The following PDCD4 variants were observed in gnomAD, a reference collection of about 807,000 sequenced individuals.
The protein encoded by PDCD4 is programmed cell death protein 4.
A neutral mutation model predicts 54.0 loss-of-function variants in PDCD4; 56 were observed. The ratio of observed to expected loss-of-function variants is 1.04; its 90% CI spans 0.84 to 1.30. The LOEUF (loss-of-function observed/expected upper bound fraction) is 1.30, where lower values mean the gene tolerates loss of function less well. Ranked by LOEUF, PDCD4 falls within the 50% of genes most tolerant of loss-of-function variation. The pLI is 0.00. For synonymous variants in PDCD4, 186 were observed against 194.8 expected (o/e 0.95, Z 0.37); for missense variants, 584 against 559.8 (o/e 1.04, Z -0.44).
intron 11 of PDCD4, among the ~76,000 whole-genome samples, chr10:110,896,623 T>C (rs965703805): frequency 4.6e-5 from 7 of 152,196 alleles, no homozygotes; most frequent in Admixed American, 4.6e-4. Context: ...GTGGGTGATT[T>C]TCCTTGGAGC....
chr10:110,882,904 T>C, intron 3 of PDCD4, 99 bp from the exon 4 acceptor site: 1 of 775,156 alleles, frequency 1.3e-6, no homozygotes, highest in Non-Finnish European at 2.2e-6. Flanking sequence ...TAAATACAAT[T>C]TTTTTTTAGC....
At chr10:110,890,481 G>A in intron 7 of PDCD4, 75 bp from the exon 8 acceptor site, 1 of 684,718 alleles carries the variant, frequency 1.5e-6, no homozygotes, top group Non-Finnish European at 2.4e-6. Context: ...ATAGGATTTT[G>A]TCAGCTTTAT....
At chr10:110,888,914 G>C (rs1216778847) in intron 6 of PDCD4, among the ~76,000 whole-genome samples, 1 of 151,884 alleles carries the variant, frequency 6.6e-6, no homozygotes, top group Non-Finnish European at 1.5e-5. Context: ...AGAGAACCTA[G>C]TCCTTTTTTT....
intron 2 of PDCD4, among the ~76,000 whole-genome samples, chr10:110,877,359 C>A (rs1845521515): frequency 6.6e-6 from 1 of 152,160 alleles, no homozygotes; most frequent in Non-Finnish European, 1.5e-5. Flanking sequence ...GCGTGTGCAC[C>A]ACTGTGCTTA....
intron 2 of PDCD4, chr10:110,876,850 A>C: frequency 2.4e-6 from 1 of 411,614 alleles, no homozygotes. Context: ...TAGTGAGAAC[A>C]GTTCATATTG....
At chr10:110,893,234 A>G (rs1845783400) in intron 8 of PDCD4, among the ~76,000 whole-genome samples, 1 of 152,084 alleles carries the variant, frequency 6.6e-6, no homozygotes, top group African/African-American at 2.4e-5. Flanking sequence ...ACATGTAAAT[A>G]TTTAAATACA....
intron 3 of PDCD4, among the ~76,000 whole-genome samples, chr10:110,882,026 T>C (rs1427448071): frequency 1.3e-5 from 2 of 152,204 alleles, no homozygotes; most frequent in East Asian, 3.8e-4. Flanking sequence ...CACTGCTGTT[T>C]CTCTAGTACC....
At chr10:110,897,983 C>A in intron 11 of PDCD4, 45 bp from the exon 12 acceptor site, 3 of 1,387,482 alleles carry the variant, frequency 2.2e-6, no homozygotes, top group African/African-American at 1.5e-5. Flanking sequence ...TGACTATAGT[C>A]AGAATTTGTA....
chr10:110,892,189 G>A (rs937147191), intron 8 of PDCD4, among the ~76,000 whole-genome samples: 1 of 152,152 alleles, frequency 6.6e-6, no homozygotes, highest in African/African-American at 2.4e-5. Context: ...TGCAAAACAG[G>A]TTGAAAGAAA....
At chr10:110,893,988 C>T in intron 8 of PDCD4, 103 bp from the exon 9 acceptor site, 1 of 650,242 alleles carries the variant, frequency 1.5e-6, no homozygotes. Context: ...TGTTTGTTAC[C>T]CACTATTTCA....
intron 6 of PDCD4, among the ~76,000 whole-genome samples, chr10:110,888,744 G>A (rs183619371): frequency 9.4e-4 from 143 of 151,894 alleles, no homozygotes; most frequent in African/African-American, 3.3e-3. Flanking sequence ...TTTCCCTGTG[G>A]CCACATAGTA....
intron 1 of PDCD4, among the ~76,000 whole-genome samples, chr10:110,875,349 C>T (rs965589417): frequency 8.6e-5 from 13 of 151,814 alleles, no homozygotes; most frequent in Non-Finnish European, 1.6e-4. Context: ...ATAATATTAT[C>T]AAAAAAGGAT....
chr10:110,885,586 GAC>G (rs1369655587), intron 5 of PDCD4, among the ~76,000 whole-genome samples: 19 of 151,854 alleles, frequency 1.3e-4, no homozygotes, highest in African/African-American at 1.7e-4. Flanking sequence ...TCTGAAAAAT[GAC>G]ACAATATTTT....
rs145532375 is a variant in PDCD4, at chr10:110,882,991, A to C, written c.347-12A>C. The C allele has an allele frequency of 4.7e-4, 724 of 1,553,420 alleles. 8 individuals carry two copies. In the East Asian group the frequency reaches 0.015, roughly 31 times the overall value. On this transcript the variant is annotated splice_polypyrimidine_tract_variant and intron_variant, in intron 3 of 11. Transcript: ENST00000280154. Reference sequence around the variant, plus strand: ...TTTGTGTTTTTTCTTTCTCAATGCTAAACTTTTTCAGGTGGTGCAGGAGGC... The same window carrying C: ...TTTGTGTTTTTTCTTTCTCAATGCTCAACTTTTTCAGGTGGTGCAGGAGGC...
rs747952890 is a variant in PDCD4, at chr10:110,876,056, A to G, written c.29A>G (p.Asn10Ser). MDVENEQIL[N>S]VNPADPDNLS... ...GATGTAGAAAATGAGCAGATACTGA[A>G]TGTAAACCCTGCAGGTAAGTAAGGA... is the stretch of plus-strand genomic sequence containing the variant. The change falls in exon 2 of 12, where the codon AAT (asparagine) becomes AGT (serine). Residue 10 changes from asparagine (N) to serine (S), a missense_variant. Asn to Ser is a conservative substitution (Grantham distance 46). Transcript: ENST00000280154. 14 of 1,610,670 alleles carry G rather than the reference A, an allele frequency of 8.7e-6. No homozygotes were observed. The highest frequency in any genetic ancestry group is 1.2e-5 in the Non-Finnish European group (14 of 1,178,058).
In PDCD4 at chr10:110,894,151, C is replaced by CT. The variant is rs1564685516; in HGVS notation, c.1053dup (p.Lys352Ter). On this transcript the variant is annotated frameshift_variant, in exon 9 of 12. Transcript: ENST00000280154. LOFTEE classifies it high-confidence loss of function. ...AGACATATCTGAAGCTGAACATTGCCTTAAGGAACTGGAAGTACCTCATTT... is the reference window on the plus strand; with the variant it reads ...AGACATATCTGAAGCTGAACATTGCCTTTAAGGAACTGGAAGTACCTCATTT... 6.2e-7 allele frequency: 1 copy of CT among 1,608,936 alleles called. No homozygotes were observed. The highest frequency in any genetic ancestry group is 1.7e-5 in the Admixed American group (1 of 59,988).
In PDCD4 at chr10:110,897,987, A is replaced by G. The variant is rs774291896; in HGVS notation, c.1350-41A>G. On this transcript the variant is annotated intron_variant, in intron 11 of 11. Coordinates refer to ENST00000280154, the MANE Select transcript of PDCD4 (RefSeq NM_014456.5). ...TTTTTATATATTGACTATAGTCAGAATTTGTATCTGTTTTCATGTCTTTTT... is the reference window on the plus strand; with the variant it reads ...TTTTTATATATTGACTATAGTCAGAGTTTGTATCTGTTTTCATGTCTTTTT... The G allele has an allele frequency of 1.1e-5, 16 of 1,445,480 alleles. No individual in the cohort carries two copies. In the South Asian group the frequency reaches 2.1e-4, roughly 19 times the overall value. The allele number at this position is 1,445,480 out of a possible 1,614,324, so 89.5% of individuals were successfully genotyped here. A position where few individuals can be genotyped will look rare whatever the true frequency, so the allele number is the denominator to read the frequency against.
intron 6 of PDCD4, among the ~76,000 whole-genome samples, chr10:110,888,492 T>C (rs1845704644): frequency 6.6e-6 from 1 of 152,176 alleles, no homozygotes; most frequent in Non-Finnish European, 1.5e-5. Context: ...TACACATACT[T>C]TAAGAAAATG....
chr10:110,885,093 G>T (rs1845649366), intron 4 of PDCD4, 160 bp from the exon 5 acceptor site: 2 of 479,372 alleles, frequency 4.2e-6, no homozygotes, highest in Non-Finnish European at 7.4e-6. Flanking sequence ...TCCTTGCCTG[G>T]CCTAGATTCT....
Sources: gnomAD v4.1 joint callset for allele counts (sites outside exome capture counted in the v4.1 genomes callset) on GRCh38, gnomAD v4.1.1 for gene constraint, MANE v1.5 for transcripts, NCBI Gene and HGNC (gene_info 2026-07-23, HGNC 2026-07-21) for gene names.